Variants in CAMTA1 observed in about 807,000 individuals in gnomAD.
The protein encoded by CAMTA1 is calmodulin-binding transcription activator 1.
CAMTA1 carries 27 observed loss-of-function variants against 170.9 expected under a neutral mutation model. The observed-to-expected ratio is 0.16, with a 90% confidence interval of 0.12 to 0.22. CAMTA1 has a LOEUF of 0.22. Among genes scored for constraint, CAMTA1 ranks in the 10% least tolerant of loss-of-function variants. CAMTA1 has a pLI of 1.00. For synonymous variants in CAMTA1, 833 were observed against 891.5 expected, an observed-to-expected ratio of 0.93 and a Z score of 1.17; for missense variants, 1,619 against 2,217.2, an observed-to-expected ratio of 0.73 and a Z score of 5.42.
chr1:6,838,533 A>G (rs867252770), intron 3 of CAMTA1, among the ~76,000 whole-genome samples: 48 of 152,134 alleles, frequency 3.2e-4, no homozygotes, highest in African/African-American at 1.1e-3. Context: ...GAACTCTACC[A>G]TCTGAAGTGA....
intron 3 of CAMTA1, among the ~76,000 whole-genome samples, chr1:7,012,946 C>A (rs1240942174): frequency 6.6e-6 from 1 of 152,166 alleles, no homozygotes; most frequent in Non-Finnish European, 1.5e-5. Flanking sequence ...TGTCTGTAAT[C>A]TCTCCCCACA....
intron 5 of CAMTA1, among the ~76,000 whole-genome samples, chr1:7,464,911 T>A (rs990739405): frequency 2.0e-5 from 3 of 151,978 alleles, no homozygotes; most frequent in Non-Finnish European, 4.4e-5. Flanking sequence ...AGGCTCCACC[T>A]CTCGCCGAGG....
In CAMTA1 at chr1:6,932,191, C is replaced by A. The variant is rs138943224; in HGVS notation, c.234+106981C>A. On this transcript the variant is annotated intron_variant, in intron 3 of 22. Coordinates refer to ENST00000303635, the MANE Select transcript of CAMTA1 (RefSeq NM_015215.4). The stretch of plus-strand genomic sequence containing the variant: ...TGATTGCTTCCTCCAGGGCCTCCCC[C>A]CTCCTCGCCAGGCAACCACCACTCT... 3.1e-3 allele frequency among the ~76,000 whole-genome samples: 477 copies of A among 152,286 alleles called. 1 individual carries two copies. Among genetic ancestry groups the A allele is most frequent in the South Asian group, 9.7e-3 (47 of 4,824 alleles).
At chr1:7,188,908 C>A (rs756830781) in intron 4 of CAMTA1, among the ~76,000 whole-genome samples, 1 of 152,188 alleles carries the variant, frequency 6.6e-6, no homozygotes, top group Non-Finnish European at 1.5e-5. Context: ...AGCAGCAGCA[C>A]CATTGTACCT....
At chr1:7,128,201 C>G (rs1489085319) in intron 4 of CAMTA1, among the ~76,000 whole-genome samples, 1 of 152,116 alleles carries the variant, frequency 6.6e-6, no homozygotes, top group Non-Finnish European at 1.5e-5. Context: ...AAGCCTGTGC[C>G]CGGTTTCCCC....
At chr1:7,697,156 T>C (rs1422164429) in intron 11 of CAMTA1, among the ~76,000 whole-genome samples, 1 of 152,092 alleles carries the variant, frequency 6.6e-6, no homozygotes, top group East Asian at 1.9e-4. Context: ...GGGAGGAAAG[T>C]GGCAGGAAGG....
intron 5 of CAMTA1, among the ~76,000 whole-genome samples, chr1:7,287,464 T>C (rs1672505231): frequency 6.6e-6 from 1 of 152,236 alleles, no homozygotes; most frequent in African/African-American, 2.4e-5. Context: ...CAAGTTCCTC[T>C]ACCTTTCTCC....
At position 7,456,035 on chromosome 1, in the gene CAMTA1, A is replaced by G. The variant is rs1338170326; in HGVS notation, c.439-11795A>G. On this transcript the variant is annotated intron_variant, in intron 5 of 22. Transcript: ENST00000303635. This position sits in a 1 kb window ranked among gnomAD's most constrained non-coding sequence, Gnocchi z 4.9. Reference sequence around the variant, plus strand: ...TACACAACACCCCTGCTGGCCTAACAGGCTGTTGATAAGGAACACATCAGA... The same window carrying G: ...TACACAACACCCCTGCTGGCCTAACGGGCTGTTGATAAGGAACACATCAGA... Among the ~76,000 whole-genome samples the G allele has an allele frequency of 6.6e-6, 1 of 152,170 alleles. No homozygotes were observed. The highest frequency in any genetic ancestry group is 1.5e-5 in the Non-Finnish European group (1 of 68,050).
At chr1:7,725,106 C>T (rs1487476280) in intron 11 of CAMTA1, among the ~76,000 whole-genome samples, 1 of 152,078 alleles carries the variant, frequency 6.6e-6, no homozygotes, top group African/African-American at 2.4e-5. Flanking sequence ...AATCAGGAGC[C>T]GGACGGTTGC....
chr1:7,314,192 C>A (rs528917363), intron 5 of CAMTA1, among the ~76,000 whole-genome samples: 14 of 152,250 alleles, frequency 9.2e-5, no homozygotes, highest in African/African-American at 3.4e-4. Context: ...CCAGAGCACC[C>A]CTGGAATCTG....
At position 7,254,453 on chromosome 1, in the gene CAMTA1, C is replaced by T. The variant is rs187314549; in HGVS notation, c.438+4827C>T. Reference sequence around the variant, plus strand: ...TTTGGGTGGAAACACCAGCCCCTCACGTCTGACTGTCATTTTCAGATGTGA... The same window carrying T: ...TTTGGGTGGAAACACCAGCCCCTCATGTCTGACTGTCATTTTCAGATGTGA... On this transcript the variant is annotated intron_variant, in intron 5 of 22. Transcript: ENST00000303635. Among the ~76,000 whole-genome samples, 774 of 152,304 alleles carry T rather than the reference C, an allele frequency of 5.1e-3. 3 individuals are homozygous for T. Among genetic ancestry groups the T allele is most frequent in the African/African-American group, 0.018 (739 of 41,552 alleles).
At chr1:7,368,881 C>G (rs929070778) in intron 5 of CAMTA1, 1 of 152,358 alleles carries the variant, frequency 6.6e-6, no homozygotes, top group African/African-American at 2.4e-5. Flanking sequence ...CCACGAAGCC[C>G]TTGCCAGTCA....
At chr1:7,451,408 C>T (rs933171052) in intron 5 of CAMTA1, among the ~76,000 whole-genome samples, 3 of 152,122 alleles carry the variant, frequency 2.0e-5, no homozygotes, top group Non-Finnish European at 4.4e-5. Context: ...CTCGCCACTG[C>T]GGCACTGCCT....
intron 3 of CAMTA1, among the ~76,000 whole-genome samples, chr1:6,915,076 CTTAA>C (rs1225226803): frequency 6.6e-6 from 1 of 152,062 alleles, no homozygotes; most frequent in Non-Finnish European, 1.5e-5. Context: ...GGGCCTCAGG[CTTAA>C]TTAAGCCTTC....
At chr1:7,034,980 C>T (rs1435907809) in intron 3 of CAMTA1, among the ~76,000 whole-genome samples, 1 of 152,142 alleles carries the variant, frequency 6.6e-6, no homozygotes, top group Admixed American at 6.5e-5. Flanking sequence ...TAGCTTGTAA[C>T]TCAGTCACAC....
intron 5 of CAMTA1, among the ~76,000 whole-genome samples, chr1:7,310,589 C>CT (rs1248595509): frequency 1.7e-5 from 2 of 120,668 alleles, no homozygotes; most frequent in Non-Finnish European, 3.4e-5. Context: ...TTTTCTTTTT[C>CT]TTTTCTTTTC....
intron 5 of CAMTA1, among the ~76,000 whole-genome samples, chr1:7,294,533 C>G (rs1302535124): frequency 1.3e-5 from 2 of 152,210 alleles, no homozygotes; most frequent in African/African-American, 4.8e-5. Context: ...GAGACCAGCT[C>G]TGCAGAGAAA....
chr1:7,226,833 ATTTTTTATTT>A (rs1661784542), intron 4 of CAMTA1, among the ~76,000 whole-genome samples: 1 of 151,556 alleles, frequency 6.6e-6, no homozygotes, highest in African/African-American at 2.4e-5. Context: ...AGCCTTTTTT[ATTTTTTATTT>A]TTTTTTTGAG....
chr1:6,811,718 C>T (rs552127752), intron 1 of CAMTA1, among the ~76,000 whole-genome samples: 1 of 152,174 alleles, frequency 6.6e-6, no homozygotes, highest in Non-Finnish European at 1.5e-5. Context: ...GCATGGACTT[C>T]GTAAAATTCA....
Sources: allele counts gnomAD v4.1 joint callset (sites outside exome capture counted in the v4.1 genomes callset), GRCh38; gene constraint gnomAD v4.1.1; non-coding constraint Gnocchi (gnomAD v3.1); transcripts MANE v1.5; gene names NCBI Gene and HGNC (gene_info 2026-07-23, HGNC 2026-07-21).